Variants in PLB1 observed in about 807,000 individuals in gnomAD.
The protein encoded by PLB1 is phospholipase B1, membrane-associated.
A neutral mutation model predicts 227.4 loss-of-function variants in PLB1; 242 were observed. The observed-to-expected ratio is 1.06, with a 90% CI of 0.96 to 1.18. The LOEUF is 1.18. PLB1 is among the 50% of genes most tolerant of loss of function. PLB1 has a pLI of 0.00. For missense variants in PLB1, 1,858 were observed against 1,816.3 expected (o/e 1.02, Z -0.42); for synonymous variants, 757 against 682.2 (o/e 1.11, Z -1.71).
At chr2:28,576,980 G>A (rs1369905578) in intron 21 of PLB1, among the ~76,000 whole-genome samples, 1 of 152,174 alleles carries the variant, frequency 6.6e-6, no homozygotes, top group East Asian at 1.9e-4. Context: ...CTGTGCCAGG[G>A]ACTTTGTCAA....
At position 28,525,887 on chromosome 2, in the gene PLB1, G is replaced by A. The variant is rs772003424; in HGVS notation, c.285-18G>A. ...CACAAATGCAGCCTGACACTCACAT[G>A]CCTGCTTCTACCTGCAGGACTGAAA... On this transcript the variant is annotated intron_variant, in intron 5 of 57. Coordinates refer to ENST00000327757, the MANE Select transcript of PLB1 (RefSeq NM_153021.5). 1 of 1,613,902 alleles carries A rather than the reference G, an allele frequency of 6.2e-7. No individual in the cohort carries two copies. The highest frequency in any genetic ancestry group is 1.1e-5 in the South Asian group (1 of 91,040).
At chr2:28,614,179 G>T in intron 44 of PLB1, 83 bp downstream of exon 44, 2 of 1,298,346 alleles carry the variant, frequency 1.5e-6, no homozygotes, top group South Asian at 2.4e-5. Context: ...AGGTTTCAGA[G>T]TATTCACTGA....
intron 1 of PLB1, among the ~76,000 whole-genome samples, chr2:28,499,746 G>A (rs754661882): frequency 2.6e-5 from 4 of 152,072 alleles, no homozygotes; most frequent in Non-Finnish European, 4.4e-5. Context: ...TTAGCCAGAC[G>A]TGATGGCGGT....
At chr2:28,589,265 T>G (rs1246669876) in intron 26 of PLB1, among the ~76,000 whole-genome samples, 185 bp from the exon 27 acceptor site, 1 of 152,150 alleles carries the variant, frequency 6.6e-6, no homozygotes, top group Non-Finnish European at 1.5e-5. Context: ...GGCCAGGGGT[T>G]GAGATAAAGG....
At chr2:28,616,989 G>T (rs189855599) in intron 44 of PLB1, among the ~76,000 whole-genome samples, 10 of 152,160 alleles carry the variant, frequency 6.6e-5, no homozygotes, top group African/African-American at 2.4e-4. Context: ...TGAGACTTTG[G>T]GAAGATACTC....
chr2:28,583,821 C>CGTTT (rs1558830261), intron 25 of PLB1, among the ~76,000 whole-genome samples: 1 of 150,740 alleles, frequency 6.6e-6, no homozygotes, highest in Non-Finnish European at 1.5e-5. Context: ...TGGCTTAAAA[C>CGTTT]GATAGCCATA....
intron 31 of PLB1, 136 bp from the exon 32 acceptor site, chr2:28,592,525 C>T: frequency 2.4e-6 from 2 of 838,700 alleles, no homozygotes; most frequent in Non-Finnish European, 4.1e-6. Flanking sequence ...GCCTCCATGG[C>T]ACTGTGCACA....
chr2:28,505,742 G>T (rs1280288564), intron 1 of PLB1, among the ~76,000 whole-genome samples: 1 of 152,210 alleles, frequency 6.6e-6, no homozygotes, highest in Non-Finnish European at 1.5e-5. Flanking sequence ...TAGAAATACA[G>T]TCTTTCTAAA....
intron 14 of PLB1, among the ~76,000 whole-genome samples, chr2:28,543,911 T>C (rs1429302335): frequency 6.6e-6 from 1 of 152,226 alleles, no homozygotes. Context: ...TATCTGGGAT[T>C]AGTCAGGGGA....
intron 43 of PLB1, among the ~76,000 whole-genome samples, chr2:28,612,818 T>C (rs1346119058): frequency 2.0e-5 from 3 of 149,516 alleles, no homozygotes; most frequent in African/African-American, 7.4e-5. Context: ...GGTTTCACCA[T>C]GTTGTCCAGG....
At chr2:28,528,911 G>A (rs1263707241) in intron 6 of PLB1, among the ~76,000 whole-genome samples, 14 of 151,600 alleles carry the variant, frequency 9.2e-5, no homozygotes, top group Admixed American at 7.2e-4. Flanking sequence ...CGGCGACCCC[G>A]GCAGCTCACC....
At chr2:28,603,500 G>A (rs1684214800) in intron 39 of PLB1, among the ~76,000 whole-genome samples, 1 of 152,186 alleles carries the variant, frequency 6.6e-6, no homozygotes, top group Non-Finnish European at 1.5e-5. Flanking sequence ...TTAAGTAGAT[G>A]TGATGGGTGT....
chr2:28,639,341 A>T (rs1307477463), intron 56 of PLB1, among the ~76,000 whole-genome samples: 1 of 152,208 alleles, frequency 6.6e-6, no homozygotes, highest in African/African-American at 2.4e-5. Context: ...ACAAAAAAAA[A>T]AAAAAATGAT....
intron 17 of PLB1, among the ~76,000 whole-genome samples, chr2:28,561,102 A>G (rs925899213): frequency 8.5e-5 from 13 of 152,220 alleles, no homozygotes; most frequent in Admixed American, 1.3e-4. Flanking sequence ...CTCCAGCTCT[A>G]TAGCTTCACA....
chr2:28,610,377 C>G (rs1685271706), intron 43 of PLB1, among the ~76,000 whole-genome samples: 1 of 151,902 alleles, frequency 6.6e-6, no homozygotes, highest in African/African-American at 2.4e-5. Context: ...TCTCAAACTC[C>G]TGAGCTCAAG....
intron 35 of PLB1, 58 bp from the exon 36 acceptor site, chr2:28,600,751 G>A (rs1683741207): frequency 6.4e-7 from 1 of 1,550,704 alleles, no homozygotes; most frequent in Non-Finnish European, 8.9e-7. Context: ...AGGCCCTCTA[G>A]GAGGAAAACT....
chr2:28,577,819 G>A (rs1397317352), intron 21 of PLB1, among the ~76,000 whole-genome samples: 8 of 152,212 alleles, frequency 5.3e-5, no homozygotes, highest in Admixed American at 5.2e-4. Flanking sequence ...CAGCCTGGGT[G>A]ACAGAGAAAG....
chr2:28,640,048 G>A (rs947729112), intron 56 of PLB1, among the ~76,000 whole-genome samples: 75 of 152,294 alleles, frequency 4.9e-4, no homozygotes, highest in Middle Eastern at 6.8e-3. Flanking sequence ...ACTAAGGAAC[G>A]GGTGTAAAAG....
rs188773504 is a variant in PLB1, at chr2:28,525,418, C to T, written c.284+111C>T. On this transcript the variant is annotated intron_variant, in intron 5 of 57. Coordinates refer to ENST00000327757, the MANE Select transcript of PLB1 (RefSeq NM_153021.5). ...GAGGCCAGGGAGGCTCAGTGCCTTG[C>T]TCAAGGCTACCCTCTGAGAAGGTAG... is the stretch of plus-strand genomic sequence containing the variant. 784 of 1,175,000 alleles carry T rather than the reference C, an allele frequency of 6.7e-4. 8 individuals are homozygous for T. In the African/African-American group the frequency reaches 0.011, roughly 16 times the overall value. The allele number at this position is 1,175,000 out of a possible 1,614,324, so 72.8% of individuals were successfully genotyped here.
Sources: allele counts gnomAD v4.1 joint callset (sites outside exome capture counted in the v4.1 genomes callset), GRCh38; gene constraint gnomAD v4.1.1; transcripts MANE v1.5; gene names NCBI Gene and HGNC (gene_info 2026-07-23, HGNC 2026-07-21).